SLC30A6: variants seen among roughly 807,000 people sequenced by gnomAD.
SLC30A6 encodes zinc transporter 6.
A neutral mutation model predicts 63.0 loss-of-function variants in SLC30A6; 55 were observed. That is an observed-to-expected ratio of 0.87 (90% CI 0.70 to 1.09). The LOEUF (loss-of-function observed/expected upper bound fraction) is 1.09, where lower values mean the gene tolerates loss of function less well. Among genes scored for constraint, SLC30A6 ranks in the 50% least tolerant of loss-of-function variants. The probability of loss-of-function intolerance (pLI) is 0.00; values close to 1 mark genes in which losing one functional copy is unlikely to be tolerated. For missense variants in SLC30A6, 587 were observed against 549.2 expected, an observed-to-expected ratio of 1.07 and a Z score of -0.69; for synonymous variants, 224 against 186.1, an observed-to-expected ratio of 1.20 and a Z score of -1.66.
intron 4 of SLC30A6, among the ~76,000 whole-genome samples, chr2:32,178,090 G>A (rs1337412870): frequency 6.6e-6 from 1 of 151,710 alleles, no homozygotes; most frequent in African/African-American, 2.4e-5. Flanking sequence ...TGGGACTACA[G>A]GCACCCGCCA....
chr2:32,169,688 G>A (rs1681018977), intron 1 of SLC30A6, among the ~76,000 whole-genome samples: 1 of 152,152 alleles, frequency 6.6e-6, no homozygotes, highest in Non-Finnish European at 1.5e-5. Context: ...CGCAGAATGG[G>A]GCTGCGACAG....
chr2:32,167,174 C>G (rs1680750407), intron 1 of SLC30A6, among the ~76,000 whole-genome samples: 1 of 152,176 alleles, frequency 6.6e-6, no homozygotes, highest in African/African-American at 2.4e-5. Context: ...CTCCCGGGTT[C>G]AAGCGATTCT....
intron 1 of SLC30A6, among the ~76,000 whole-genome samples, chr2:32,167,382 C>CTTTTTTTT (rs11293465): frequency 7.5e-6 from 1 of 132,538 alleles, no homozygotes; most frequent in Non-Finnish European, 1.6e-5. Context: ...GCCACAAACT[C>CTTTTTTTT]TTTTTTTTTT....
intron 8 of SLC30A6, among the ~76,000 whole-genome samples, chr2:32,196,774 A>G (rs1467517005): frequency 6.6e-6 from 1 of 152,146 alleles, no homozygotes; most frequent in Non-Finnish European, 1.5e-5. Flanking sequence ...AAAAGTATAA[A>G]GAACTGCTGG....
chr2:32,200,839 A>AAT (rs71407424), intron 10 of SLC30A6, among the ~76,000 whole-genome samples: 21 of 151,264 alleles, frequency 1.4e-4, no homozygotes, highest in African/African-American at 3.9e-4. Context: ...ATAAAGAAAA[A>AAT]AATAATAATA....
chr2:32,217,215 A>G (rs1050737801), intron 13 of SLC30A6, among the ~76,000 whole-genome samples: 2 of 152,118 alleles, frequency 1.3e-5, no homozygotes, highest in Non-Finnish European at 2.9e-5. Flanking sequence ...TTAAATTTAA[A>G]TCTTTAATCC....
chr2:32,206,810 G>T, intron 11 of SLC30A6, 76 bp from the exon 12 acceptor site: 2 of 1,113,618 alleles, frequency 1.8e-6, no homozygotes, highest in South Asian at 2.5e-5. Context: ...ATCCTTTTGG[G>T]GAGGGGGTTC....
chr2:32,173,192 A>G (rs1681388821), intron 2 of SLC30A6, among the ~76,000 whole-genome samples: 2 of 152,190 alleles, frequency 1.3e-5, no homozygotes, highest in South Asian at 4.1e-4. Flanking sequence ...AAGAATTATC[A>G]GTACATTGTG....
At chr2:32,175,048 C>T (rs1386851936) in intron 3 of SLC30A6, among the ~76,000 whole-genome samples, 1 of 152,020 alleles carries the variant, frequency 6.6e-6, no homozygotes. Flanking sequence ...ATTACAGAAG[C>T]AGGCAGAAAA....
chr2:32,201,483 G>C, intron 10 of SLC30A6: 1 of 435,758 alleles, frequency 2.3e-6, no homozygotes. Context: ...AAAATTACTA[G>C]TTGAATGACA....
chr2:32,193,938 A>G lies in SLC30A6; in HGVS notation c.451A>G (p.Thr151Ala), dbSNP rs749343772. 2 of 1,613,650 alleles carry G rather than the reference A, an allele frequency of 1.2e-6. No homozygotes were observed. Among genetic ancestry groups the G allele is most frequent in the South Asian group, 1.1e-5 (1 of 91,054 alleles). Residue 151 changes from threonine to alanine, a missense_variant, in exon 8 of 14, where the codon ACG becomes GCG. Physicochemically the swap from Thr to Ala is moderately conservative, Grantham distance 58. Transcript: ENST00000282587. The part of the protein sequence containing the change: ...TFVALCFNLF[T>A]MLSIRNKPFA... ...TGTGGCTCTTTGTTTCAACCTGTTC[A>G]CGATGCTTTCTATTCGGAATAAACC...
chr2:32,205,419 C>T (rs922301504), intron 11 of SLC30A6, among the ~76,000 whole-genome samples: 8 of 151,756 alleles, frequency 5.3e-5, no homozygotes, highest in Non-Finnish European at 1.2e-4. Context: ...GACTCCATCT[C>T]AAAAAAACAA....
At chr2:32,203,112 A>G in intron 10 of SLC30A6, 1 of 1,303,274 alleles carries the variant, frequency 7.7e-7, no homozygotes, top group Non-Finnish European at 1.1e-6. Context: ...CAGAGAAGGT[A>G]GTTTTAAAGT....
intron 13 of SLC30A6, among the ~76,000 whole-genome samples, chr2:32,210,045 T>TATTTTCTA (rs1685116462): frequency 6.6e-6 from 1 of 152,214 alleles, no homozygotes; most frequent in South Asian, 2.1e-4. Flanking sequence ...TAAAATTTCG[T>TATTTTCTA]ATTTTCTAAT....
At chr2:32,192,848 G>A in intron 6 of SLC30A6, 70 bp from the exon 7 acceptor site, 2 of 981,490 alleles carry the variant, frequency 2.0e-6, no homozygotes, top group Non-Finnish European at 2.9e-6. Context: ...GTGGGTGAAT[G>A]ATATATTTAA....
rs1251404239 is a variant in SLC30A6 at position 32,221,054 on chromosome 2, C to T, written c.*341C>T. 3 of 217,728 alleles carry T rather than the reference C, an allele frequency of 1.4e-5. No homozygotes were observed. Among genetic ancestry groups the T allele is most frequent in the Non-Finnish European group, 2.8e-5 (3 of 108,532 alleles). The allele number at this position is 217,728 out of a possible 1,614,324, so 13.5% of individuals were successfully genotyped here. ...GTAGATCTGTCACATTACTAAGATA[C>T]GATATTTCTTTTTTTTTCCGAGACG... On this transcript the variant is annotated 3_prime_UTR_variant, in exon 14 of 14. Transcript: ENST00000282587.
chr2:32,205,495 C>A (rs1259964184), intron 11 of SLC30A6, among the ~76,000 whole-genome samples: 10 of 151,926 alleles, frequency 6.6e-5, no homozygotes, highest in Non-Finnish European at 4.4e-5. Flanking sequence ...TTACTGGAAG[C>A]CCCTGCTAGA....
Position 32,178,252 on chromosome 2 carries a change from A to AT in SLC30A6, c.218+2900dup, listed in dbSNP as rs1328285005. ...GTGAGCCACCGCACCCGGCCAAGTT[A>AT]TTTTTTTTTAATGGTGTGAGATTGG... On this transcript the variant is annotated intron_variant, in intron 4 of 13. Coordinates refer to ENST00000282587, the MANE Select transcript of SLC30A6 (RefSeq NM_017964.5). Among the ~76,000 whole-genome samples the AT allele has an allele frequency of 2.2e-4, 34 of 151,232 alleles. No homozygotes were observed. The South Asian group carries it at 6.7e-3, about 30-fold the overall frequency.
At chr2:32,167,726 A>G (rs1680812790) in intron 1 of SLC30A6, among the ~76,000 whole-genome samples, 1 of 152,216 alleles carries the variant, frequency 6.6e-6, no homozygotes, top group Non-Finnish European at 1.5e-5. Context: ...CATACAATAG[A>G]AACTTAACTT....
Sources: gnomAD v4.1 joint callset for allele counts (sites outside exome capture counted in the v4.1 genomes callset) on GRCh38, gnomAD v4.1.1 for gene constraint, MANE v1.5 for transcripts, NCBI Gene and HGNC (gene_info 2026-07-23, HGNC 2026-07-21) for gene names.